ERC2: variants seen among roughly 807,000 people sequenced by gnomAD.
ERC2 encodes the protein ERC protein 2.
ERC2 carries 42 observed loss-of-function variants against 114.8 expected under a neutral mutation model. The observed-to-expected ratio is 0.37, with a 90% CI of 0.29 to 0.47. The LOEUF (loss-of-function observed/expected upper bound fraction) is 0.47. Among genes scored for constraint, ERC2 ranks in the 20% least tolerant of loss-of-function variants. ERC2 has a pLI of 0.99. For synonymous variants in ERC2, 454 were observed against 425.5 expected (o/e 1.07, Z -0.82); for missense variants, 939 against 1,150.7 (o/e 0.82, Z 2.66).
At chr3:56,112,322 G>A (rs2079003751) in intron 6 of ERC2, among the ~76,000 whole-genome samples, 1 of 152,024 alleles carries the variant, frequency 6.6e-6, no homozygotes, top group Non-Finnish European at 1.5e-5. Flanking sequence ...AGCAATTTTT[G>A]TCACAAGTTT....
At chr3:56,384,371 T>A (rs995206600) in intron 2 of ERC2, among the ~76,000 whole-genome samples, 1 of 152,190 alleles carries the variant, frequency 6.6e-6, no homozygotes, top group Non-Finnish European at 1.5e-5. Context: ...ACTTGCTATT[T>A]TGTTTTTTGT....
intron 12 of ERC2, among the ~76,000 whole-genome samples, chr3:55,966,663 T>C (rs1488996039): frequency 6.6e-6 from 1 of 152,186 alleles, no homozygotes; most frequent in African/African-American, 2.4e-5. Flanking sequence ...CCCAATCTAT[T>C]AGACTCCAAA....
At chr3:55,978,020 C>G (rs1018008169) in intron 12 of ERC2, among the ~76,000 whole-genome samples, 4 of 152,212 alleles carry the variant, frequency 2.6e-5, no homozygotes, top group African/African-American at 9.6e-5. Context: ...GCTTCTGTCT[C>G]TCACGATGCT....
intron 17 of ERC2, among the ~76,000 whole-genome samples, chr3:55,542,565 C>T (rs1219448311): frequency 1.3e-5 from 2 of 152,184 alleles, no homozygotes; most frequent in South Asian, 4.1e-4. Flanking sequence ...TGGCACCAAA[C>T]TTGACTTCCC....
intron 7 of ERC2, among the ~76,000 whole-genome samples, chr3:56,043,398 T>C (rs1381058543): frequency 6.6e-6 from 1 of 152,180 alleles, no homozygotes; most frequent in Non-Finnish European, 1.5e-5. Context: ...CTATATATGT[T>C]ATATAGCGTT....
At chr3:56,052,599 G>A (rs2075824023) in intron 7 of ERC2, among the ~76,000 whole-genome samples, 1 of 152,184 alleles carries the variant, frequency 6.6e-6, no homozygotes, top group African/African-American at 2.4e-5. Flanking sequence ...GTGTTGGGCA[G>A]GTTAGCTAAT....
intron 6 of ERC2, among the ~76,000 whole-genome samples, chr3:56,129,610 A>C (rs1457627538): frequency 1.3e-5 from 2 of 152,206 alleles, no homozygotes; most frequent in African/African-American, 2.4e-5. Flanking sequence ...TTCTTCCTGC[A>C]AACCATTTAC....
chr3:55,700,419 G>A (rs2063160029), intron 15 of ERC2, among the ~76,000 whole-genome samples: 1 of 152,194 alleles, frequency 6.6e-6, no homozygotes, highest in African/African-American at 2.4e-5. Flanking sequence ...GAACCTAAGA[G>A]AGTAAACTAT....
At chr3:55,859,466 T>A (rs1175776978) in intron 14 of ERC2, among the ~76,000 whole-genome samples, 1 of 152,084 alleles carries the variant, frequency 6.6e-6, no homozygotes, top group Non-Finnish European at 1.5e-5. Flanking sequence ...GGGTGTAGGA[T>A]GACCTTAAGT....
At chr3:56,445,011 GTGT>G (rs1474549069) in intron 1 of ERC2, among the ~76,000 whole-genome samples, 1 of 152,230 alleles carries the variant, frequency 6.6e-6, no homozygotes, top group Non-Finnish European at 1.5e-5. Flanking sequence ...AGCTAGCACA[GTGT>G]TGTTTAGAAT....
intron 6 of ERC2, among the ~76,000 whole-genome samples, chr3:56,124,386 G>C (rs1289303348): frequency 1.3e-5 from 2 of 152,130 alleles, no homozygotes; most frequent in South Asian, 2.1e-4. Context: ...CCAGGATAAG[G>C]GTGTACGTAA....
intron 2 of ERC2, among the ~76,000 whole-genome samples, chr3:56,311,285 A>G (rs1433676218): frequency 1.3e-5 from 1 of 77,684 alleles, no homozygotes; most frequent in Non-Finnish European, 3.1e-5. Flanking sequence ...ATATATATAT[A>G]TATATACACA....
chr3:56,103,968 G>A (rs889432480), intron 6 of ERC2, among the ~76,000 whole-genome samples: 21 of 152,128 alleles, frequency 1.4e-4, no homozygotes, highest in Non-Finnish European at 2.5e-4. Context: ...GAAGTTCAGC[G>A]GCACTGCTAG....
chr3:55,734,949 T>C (rs1044450892), intron 14 of ERC2, 31 bp from the exon 15 acceptor site: 3 of 1,499,980 alleles, frequency 2.0e-6, no homozygotes, highest in African/African-American at 2.9e-5. Flanking sequence ...GAGATCATTT[T>C]TGTAAAATAA....
At chr3:56,338,189 A>G (rs2057935297) in intron 2 of ERC2, among the ~76,000 whole-genome samples, 2 of 152,250 alleles carry the variant, frequency 1.3e-5, no homozygotes, top group African/African-American at 4.8e-5. Flanking sequence ...GGAAAGGAGA[A>G]CACAGAAGAC....
chr3:55,887,154 T>C (rs745816936), intron 14 of ERC2, among the ~76,000 whole-genome samples: 3 of 152,222 alleles, frequency 2.0e-5, no homozygotes, highest in Non-Finnish European at 4.4e-5. Flanking sequence ...TTAAGCAAAT[T>C]ATGAATCTCT....
At chr3:55,923,670 G>A (rs991074745) in intron 13 of ERC2, among the ~76,000 whole-genome samples, 1 of 152,102 alleles carries the variant, frequency 6.6e-6, no homozygotes. Flanking sequence ...GGTTGTAGAG[G>A]CTCTCCTCTT....
At chr3:55,791,952 G>A (rs1407335530) in intron 14 of ERC2, among the ~76,000 whole-genome samples, 1 of 152,166 alleles carries the variant, frequency 6.6e-6, no homozygotes, top group African/African-American at 2.4e-5. Context: ...AGTTCTCAAA[G>A]TTAATCTTTC....
intron 17 of ERC2, among the ~76,000 whole-genome samples, chr3:55,555,637 C>T (rs2055549285): frequency 6.6e-6 from 1 of 152,212 alleles, no homozygotes; most frequent in East Asian, 1.9e-4. Flanking sequence ...AATAGTTAAA[C>T]TTTCTGTCTT....
Sources: allele counts gnomAD v4.1 joint callset (sites outside exome capture counted in the v4.1 genomes callset), GRCh38; gene constraint gnomAD v4.1.1; transcripts MANE v1.5; gene names NCBI Gene and HGNC (gene_info 2026-07-23, HGNC 2026-07-21).